The following SYNE2 variants were observed in gnomAD, a reference collection of about 807,000 sequenced individuals.
The protein encoded by SYNE2 is nesprin-2.
SYNE2 carries 431 observed loss-of-function variants against 856.3 expected under a neutral mutation model. That is an observed-to-expected ratio of 0.50 (90% CI 0.47 to 0.55). The LOEUF is 0.55. Among genes scored for constraint, SYNE2 ranks in the 20% least tolerant of loss-of-function variants. The pLI is 0.00. For missense variants in SYNE2, 8,129 were observed against 8,023.2 expected (o/e 1.01, Z -0.50); for synonymous variants, 2,923 against 2,872.3 (o/e 1.02, Z -0.56).
At position 64,140,041 on chromosome 14, in the gene SYNE2, G is replaced by A; in HGVS notation, c.14944G>A (p.Asp4982Asn). 1 of 1,613,868 alleles carries A rather than the reference G, an allele frequency of 6.2e-7. No individual in the cohort carries two copies. Among genetic ancestry groups the A allele is most frequent in the Non-Finnish European group, 8.5e-7 (1 of 1,179,964 alleles). The part of the protein sequence containing the change: ...EQSLNVSQDL[D>N]TIRSNINNFF... ...GTCCCTCAATGTGTCTCAGGACTTG[G>A]ATACAATCAGAAGCAACATCAACAA... Residue 4982 changes from aspartate (D) to asparagine (N), a missense_variant, in exon 80 of 116, where the codon GAT (aspartate) becomes AAT (asparagine). By Grantham distance (23) the Asp-to-Asn change is conservative. This residue lies in a region of SYNE2 where 5,410 missense variants were observed against 5,284.8 expected (regional missense o/e 1.02). Transcript: ENST00000555002.
At chr14:63,985,868 C>T (rs1009149734) in intron 18 of SYNE2, among the ~76,000 whole-genome samples, 2 of 152,026 alleles carry the variant, frequency 1.3e-5, no homozygotes, top group African/African-American at 2.4e-5. Flanking sequence ...CTTAGCTAGA[C>T]GTAGTGGCAT....
chr14:63,924,139 G>A (rs2153383054), intron 2 of SYNE2, among the ~76,000 whole-genome samples: 1 of 152,048 alleles, frequency 6.6e-6, no homozygotes, highest in East Asian at 1.9e-4. Flanking sequence ...GACTTTTCTT[G>A]GCATGCCTGT....
At chr14:63,908,069 A>G (rs1435327974) in intron 1 of SYNE2, among the ~76,000 whole-genome samples, 2 of 152,064 alleles carry the variant, frequency 1.3e-5, no homozygotes, top group Admixed American at 6.6e-5. Flanking sequence ...TATTCTTTGT[A>G]TTTTTTGAAG....
intron 108 of SYNE2, among the ~76,000 whole-genome samples, chr14:64,217,450 C>G (rs369650304): frequency 6.6e-6 from 1 of 152,238 alleles, no homozygotes; most frequent in East Asian, 1.9e-4. Flanking sequence ...AATATTGTTA[C>G]ATCATTGGAG....
At chr14:63,919,742 C>T (rs1244589673) in intron 2 of SYNE2, among the ~76,000 whole-genome samples, 1 of 152,128 alleles carries the variant, frequency 6.6e-6, no homozygotes, top group African/African-American at 2.4e-5. Flanking sequence ...TAATAAATGC[C>T]ACACAGCAGT....
intron 7 of SYNE2, among the ~76,000 whole-genome samples, chr14:63,952,621 G>A (rs1448836154): frequency 1.3e-5 from 2 of 152,174 alleles, no homozygotes; most frequent in East Asian, 1.9e-4. Flanking sequence ...GTCATAAAAT[G>A]TGAACAGTAA....
chr14:63,803,148 T>C (rs906712230), intron 1 of SYNE2, among the ~76,000 whole-genome samples: 14 of 152,192 alleles, frequency 9.2e-5, no homozygotes, highest in African/African-American at 3.4e-4. Context: ...ATCCCTGCGC[T>C]AGATACTAAG....
chr14:63,918,798 A>C (rs1264552174), intron 2 of SYNE2, among the ~76,000 whole-genome samples: 1 of 152,168 alleles, frequency 6.6e-6, no homozygotes, highest in Non-Finnish European at 1.5e-5. Context: ...GTCGTGTTAT[A>C]AGGTAAAGGG....
chr14:63,790,767 T>C (rs1232124069), intron 1 of SYNE2, among the ~76,000 whole-genome samples: 2 of 152,106 alleles, frequency 1.3e-5, no homozygotes, highest in Non-Finnish European at 2.9e-5. Flanking sequence ...ATTGCCACAA[T>C]TTTTCAAAGA....
At chr14:64,028,341 G>A (rs771414940) in intron 43 of SYNE2, among the ~76,000 whole-genome samples, 5 of 151,858 alleles carry the variant, frequency 3.3e-5, no homozygotes, top group Non-Finnish European at 7.4e-5. Flanking sequence ...CTGCAGCCTC[G>A]AACTCCTAGG....
rs148950444 is a variant in SYNE2, at chr14:63,819,777, C to T, written c.-304-32724C>T. 6.1e-3 allele frequency among the ~76,000 whole-genome samples: 920 copies of T among 150,624 alleles called. 7 individuals carry two copies. The highest frequency in any genetic ancestry group is 0.021 in the African/African-American group (881 of 41,020). On this transcript the variant is annotated intron_variant, in intron 1 of 23. Coordinates refer to the SYNE2 transcript ENST00000674003. ...GGTCTCGATCTCCTGACCTCGTGAT[C>T]CACCCGCCTCGGCCTCCCAAAGTGC...
Position 64,025,398 on chromosome 14 carries a change from G to C in SYNE2, c.6229G>C (p.Glu2077Gln). ...TTCATCCGAAGGCAAAATGCCACTT[G>C]AGGAAAGAATCCAAAAAATCAAGGT... is the stretch of plus-strand genomic sequence containing the variant. ...LNSSEGKMPL[E>Q]ERIQKIKEII... Residue 2077 changes from glutamate (E) to glutamine (Q), a missense_variant, in exon 41 of 116, where the codon GAG (glutamate) becomes CAG (glutamine). Glu to Gln is a conservative substitution (Grantham distance 29). Coordinates refer to ENST00000555002, the MANE Select transcript of SYNE2 (RefSeq NM_182914.3). The C allele has an allele frequency of 2.5e-6, 4 of 1,612,994 alleles. No homozygotes were observed. The South Asian group carries it at 4.4e-5, about 18-fold the overall frequency.
intron 1 of SYNE2, among the ~76,000 whole-genome samples, chr14:63,872,676 C>T (rs974813277): frequency 3.5e-5 from 5 of 144,016 alleles, no homozygotes; most frequent in Admixed American, 7.5e-5. Context: ...GCAGGAGAAT[C>T]GCTTGAAACC....
At chr14:63,836,790 C>G (rs1427557079) in intron 1 of SYNE2, among the ~76,000 whole-genome samples, 1 of 152,194 alleles carries the variant, frequency 6.6e-6, no homozygotes. Flanking sequence ...CCAAATTAAT[C>G]CTGTAAGAAT....
chr14:63,791,946 AAAAAAAAAC>A (rs965515203), intron 1 of SYNE2, among the ~76,000 whole-genome samples: 1 of 151,466 alleles, frequency 6.6e-6, no homozygotes, highest in African/African-American at 2.4e-5. Flanking sequence ...TCCGTCTCAA[AAAAAAAAAC>A]AAAAACAAAA....
At chr14:64,167,473 G>A (rs757647841) in intron 91 of SYNE2, 22 bp from the exon 92 acceptor site, 35 of 1,614,122 alleles carry the variant, frequency 2.2e-5, no homozygotes, top group Non-Finnish European at 2.9e-5. Context: ...ACATGGGTGT[G>A]TTTTGTTTTA....
At chr14:63,978,765 C>A in intron 13 of SYNE2, 87 bp from the exon 14 acceptor site, 2 of 1,158,842 alleles carry the variant, frequency 1.7e-6, no homozygotes, top group Non-Finnish European at 2.5e-6. Context: ...AAAGTTAAAG[C>A]CTCAATATTT....
chr14:63,976,607 C>T lies in SYNE2; in HGVS notation c.1173C>T (p.Pro391=), dbSNP rs377189427. 4 of 1,612,254 alleles carry T rather than the reference C, an allele frequency of 2.5e-6. No individual in the cohort carries two copies. The highest frequency in any genetic ancestry group is 3.4e-6 in the Non-Finnish European group (4 of 1,179,716). The change falls in exon 12 of 116, where the codon CCC becomes CCT. Residue 391 remains proline (P), a synonymous_variant. Coordinates refer to ENST00000555002, the MANE Select transcript of SYNE2 (RefSeq NM_182914.3). ...AGCTAAATTATGCCTTGCCCCCACC[C>T]CTCCATCAAACTGAAGCTTGGCTCC... ...KIKLNYALPP[P]LHQTEAWLQE...
intron 78 of SYNE2, among the ~76,000 whole-genome samples, chr14:64,136,843 G>A (rs988862693): frequency 6.6e-6 from 1 of 152,096 alleles, no homozygotes; most frequent in Non-Finnish European, 1.5e-5. Flanking sequence ...ACCATCTGAA[G>A]TGCTTTCGGG....
Sources: allele counts gnomAD v4.1 joint callset (sites outside exome capture counted in the v4.1 genomes callset), GRCh38; gene constraint gnomAD v4.1.1; regional missense constraint gnomAD v4.1.1; transcripts MANE v1.5; gene names NCBI Gene and HGNC (gene_info 2026-07-23, HGNC 2026-07-21).